The following BRINP3 variants were observed in gnomAD, a reference collection of about 807,000 sequenced individuals.
BRINP3 encodes the protein BMP/retinoic acid inducible neural specific 3.
BRINP3 carries 19 observed loss-of-function variants against 71.0 expected under a neutral mutation model. The observed-to-expected ratio is 0.27, with a 90% CI of 0.19 to 0.39. The LOEUF is 0.39. Among genes scored for constraint, BRINP3 ranks in the 10% least tolerant of loss-of-function variants. The pLI is 1.00. For synonymous variants in BRINP3, 380 were observed against 337.7 expected (o/e 1.13, Z -1.37); for missense variants, 959 against 940.8 (o/e 1.02, Z -0.25).
chr1:190,464,846 CTTGT>C (rs888830788), intron 1 of BRINP3, among the ~76,000 whole-genome samples: 9 of 151,912 alleles, frequency 5.9e-5, no homozygotes, highest in African/African-American at 1.9e-4. Context: ...AATTATTCTT[CTTGT>C]TTATTTTAGC....
chr1:190,464,579 C>T (rs774342402), intron 1 of BRINP3, among the ~76,000 whole-genome samples: 2 of 151,854 alleles, frequency 1.3e-5, no homozygotes, highest in Non-Finnish European at 2.9e-5. Context: ...AAATGAACTC[C>T]TGTTTATTTT....
intron 6 of BRINP3, among the ~76,000 whole-genome samples, chr1:190,199,680 G>A (rs1654813490): frequency 6.7e-6 from 1 of 150,356 alleles, no homozygotes. Context: ...GAGAAAATTA[G>A]CCAAGATAGA....
intron 2 of BRINP3, among the ~76,000 whole-genome samples, chr1:190,421,291 C>T (rs557272113): frequency 6.8e-5 from 9 of 132,060 alleles, no homozygotes; most frequent in East Asian, 6.7e-4. Context: ...ACAAGATTCT[C>T]ATTATTATTA....
intron 2 of BRINP3, among the ~76,000 whole-genome samples, chr1:190,359,160 TAACA>T (rs1166114609): frequency 6.6e-6 from 1 of 151,682 alleles, no homozygotes; most frequent in Non-Finnish European, 1.5e-5. Context: ...TAAAGTATAA[TAACA>T]AATAAAAAAA....
intron 2 of BRINP3, among the ~76,000 whole-genome samples, chr1:190,432,072 A>T (rs1248868018): frequency 2.0e-5 from 3 of 152,186 alleles, no homozygotes; most frequent in Non-Finnish European, 4.4e-5. Flanking sequence ...ACAAATAGGA[A>T]AAATGGTGCA....
intron 6 of BRINP3, among the ~76,000 whole-genome samples, chr1:190,165,423 T>A (rs762570460): frequency 1.4e-4 from 21 of 149,078 alleles, no homozygotes; most frequent in Non-Finnish European, 3.1e-4. Flanking sequence ...ACATAGCAAG[T>A]ATGCTCTGTT....
intron 6 of BRINP3, among the ~76,000 whole-genome samples, chr1:190,187,903 A>AT (rs1339281369): frequency 6.5e-4 from 93 of 143,826 alleles, no homozygotes; most frequent in African/African-American, 2.0e-3. Context: ...TTTTTTTTCT[A>AT]TTTTTTTTGA....
chr1:190,309,661 A>G (rs1412155933), intron 2 of BRINP3, among the ~76,000 whole-genome samples: 1 of 151,760 alleles, frequency 6.6e-6, no homozygotes, highest in Non-Finnish European at 1.5e-5. Context: ...CACACTGGGT[A>G]TGACAATTTT....
At chr1:190,466,516 A>C (rs2102687282) in intron 1 of BRINP3, among the ~76,000 whole-genome samples, 2 of 151,990 alleles carry the variant, frequency 1.3e-5, no homozygotes, top group Non-Finnish European at 3.0e-5. Context: ...GTACTTATCT[A>C]GTCCACAGGA....
chr1:190,438,294 ATAT>A (rs1306995473), intron 2 of BRINP3, among the ~76,000 whole-genome samples: 3 of 151,564 alleles, frequency 2.0e-5, no homozygotes, highest in Non-Finnish European at 3.0e-5. Context: ...AATAACTAAA[ATAT>A]TATACAAGAT....
intron 2 of BRINP3, among the ~76,000 whole-genome samples, chr1:190,402,320 G>T (rs1171643677): frequency 1.3e-5 from 2 of 151,936 alleles, no homozygotes; most frequent in African/African-American, 2.4e-5. Context: ...CAAAATTATA[G>T]AAATATATGC....
At chr1:190,244,403 C>A (rs1222742112) in intron 4 of BRINP3, among the ~76,000 whole-genome samples, 2 of 152,110 alleles carry the variant, frequency 1.3e-5, no homozygotes, top group South Asian at 2.1e-4. Flanking sequence ...TGATACTCAC[C>A]TAGCATCTCA....
At chr1:190,402,902 T>A (rs559172482) in intron 2 of BRINP3, among the ~76,000 whole-genome samples, 1 of 152,174 alleles carries the variant, frequency 6.6e-6, no homozygotes, top group Admixed American at 6.5e-5. Flanking sequence ...AATTTTTGAA[T>A]TTTTGGTAGA....
chr1:190,251,865 AAT>A (rs1427066920), intron 4 of BRINP3, among the ~76,000 whole-genome samples: 1 of 146,588 alleles, frequency 6.8e-6, no homozygotes, highest in Admixed American at 6.7e-5. Flanking sequence ...AAAACCAACA[AAT>A]AGTTTCCTTA....
chr1:190,403,217 C>A (rs1456744895), intron 2 of BRINP3, among the ~76,000 whole-genome samples: 3 of 152,104 alleles, frequency 2.0e-5, no homozygotes, highest in African/African-American at 7.2e-5. Context: ...TTGTATTTGC[C>A]TAGAGACATA....
At chr1:190,393,003 T>A (rs902432300) in intron 2 of BRINP3, among the ~76,000 whole-genome samples, 1 of 151,608 alleles carries the variant, frequency 6.6e-6, no homozygotes, top group Non-Finnish European at 1.5e-5. Flanking sequence ...TAAAAAGCTG[T>A]GAAGAGTATT....
intron 6 of BRINP3, among the ~76,000 whole-genome samples, chr1:190,199,163 A>G (rs1336593441): frequency 6.6e-6 from 1 of 152,182 alleles, no homozygotes; most frequent in East Asian, 1.9e-4. Flanking sequence ...TCATGAGAAC[A>G]GCACAGGAAA....
intron 2 of BRINP3, among the ~76,000 whole-genome samples, chr1:190,405,088 C>A (rs1055115230): frequency 6.6e-6 from 1 of 152,148 alleles, no homozygotes; most frequent in South Asian, 2.1e-4. Context: ...CCTTCATCCA[C>A]ATTTTCTGAA....
chr1:190,443,113 A>T (rs1674946097), intron 2 of BRINP3, among the ~76,000 whole-genome samples: 1 of 151,870 alleles, frequency 6.6e-6, no homozygotes, highest in African/African-American at 2.4e-5. Context: ...GGGTTTCACT[A>T]TATAGGCCAG....
Sources: gnomAD v4.1 joint callset for allele counts (sites outside exome capture counted in the v4.1 genomes callset) on GRCh38, gnomAD v4.1.1 for gene constraint, MANE v1.5 for transcripts, NCBI Gene and HGNC (gene_info 2026-07-23, HGNC 2026-07-21) for gene names.